KIF11: variants seen among roughly 807,000 people sequenced by gnomAD.
KIF11 encodes kinesin family member 11.
In KIF11, 9 loss-of-function variants were observed where a neutral mutation model predicts 121.0. The observed-to-expected ratio is 0.07, with a 90% CI of 0.04 to 0.13. KIF11 has a LOEUF of 0.13. Among genes scored for constraint, KIF11 ranks in the 10% least tolerant of loss-of-function variants. KIF11 has a pLI of 1.00. For missense variants in KIF11, 846 were observed against 1,217.5 expected, an observed-to-expected ratio of 0.69 and a Z score of 4.54; for synonymous variants, 408 against 421.0, an observed-to-expected ratio of 0.97 and a Z score of 0.38.
intron 6 of KIF11, among the ~76,000 whole-genome samples, chr10:92,611,504 G>T (rs758232198): frequency 2.0e-5 from 3 of 152,066 alleles, no homozygotes; most frequent in Non-Finnish European, 4.4e-5. Context: ...ACCATGCCCG[G>T]TGGAGATGAA....
At position 92,653,651 on chromosome 10, in the gene KIF11, C is replaced by T. The variant is rs147179090; in HGVS notation, c.3040-14C>T. On this transcript the variant is annotated splice_polypyrimidine_tract_variant and intron_variant, in intron 21 of 21. Coordinates refer to ENST00000260731, the MANE Select transcript of KIF11 (RefSeq NM_004523.4). ...ACTTTGTATTGACTTAATTTTCCCGCCTTAAATCCACAGCATAAAAAATCA... is the reference window on the plus strand; with the variant it reads ...ACTTTGTATTGACTTAATTTTCCCGTCTTAAATCCACAGCATAAAAAATCA... The T allele has an allele frequency of 6.2e-7, 1 of 1,605,864 alleles. No individual in the cohort carries two copies. The highest frequency in any genetic ancestry group is 1.3e-5 in the African/African-American group (1 of 74,414).
chr10:92,629,845 G>A (rs1217835090), intron 11 of KIF11, among the ~76,000 whole-genome samples: 1 of 152,024 alleles, frequency 6.6e-6, no homozygotes, highest in Non-Finnish European at 1.5e-5. Flanking sequence ...CTCAAACTAT[G>A]GGGCTCAAGT....
intron 8 of KIF11, among the ~76,000 whole-genome samples, chr10:92,614,084 G>T (rs1844527931): frequency 7.1e-6 from 1 of 140,244 alleles, no homozygotes; most frequent in African/African-American, 2.8e-5. Flanking sequence ...GGGAAAAAAA[G>T]TTCATTTAGT....
At chr10:92,621,815 C>T (rs565064995) in intron 10 of KIF11, among the ~76,000 whole-genome samples, 100 of 152,162 alleles carry the variant, frequency 6.6e-4, no homozygotes, top group African/African-American at 2.2e-3. Context: ...GCTGCCTAGG[C>T]TTCTATTTTG....
At position 92,650,634 on chromosome 10, in the gene KIF11, A is replaced by T. The variant is rs905570823; in HGVS notation, c.3039+117A>T. ...AAAAACCTTTCAATTATTCCTTAGG[A>T]TGGCTTGTTAACGCTTATGATTTGA... On this transcript the variant is annotated intron_variant, in intron 21 of 21. Coordinates refer to ENST00000260731, the MANE Select transcript of KIF11 (RefSeq NM_004523.4). The T allele has an allele frequency of 2.0e-5, 13 of 656,086 alleles. No individual in the cohort carries two copies. In the African/African-American group the frequency reaches 2.0e-4, roughly 10 times the overall value. 40.6% of individuals were successfully genotyped at this position (656,086 alleles called of 1,614,324 possible). A position where few individuals can be genotyped will look rare whatever the true frequency, so the allele number is the denominator to read the frequency against.
intron 6 of KIF11, among the ~76,000 whole-genome samples, chr10:92,610,339 C>T (rs1484063981): frequency 6.6e-6 from 1 of 152,104 alleles, no homozygotes; most frequent in Non-Finnish European, 1.5e-5. Flanking sequence ...TGATTTTTTT[C>T]GCTCTAAATA....
chr10:92,629,141 T>C (rs1338456704), intron 11 of KIF11, among the ~76,000 whole-genome samples: 9 of 151,766 alleles, frequency 5.9e-5, no homozygotes, highest in Admixed American at 5.3e-4. Flanking sequence ...CCACCATGCC[T>C]GGCTAATTTT....
intron 10 of KIF11, 28 bp from the exon 11 acceptor site, chr10:92,628,780 G>A (rs1564711714): frequency 8.0e-7 from 1 of 1,255,154 alleles, no homozygotes; most frequent in East Asian, 2.4e-5. Context: ...AATATTAACT[G>A]TTAAACTCAT....
intron 1 of KIF11, among the ~76,000 whole-genome samples, chr10:92,600,183 T>A (rs1303391227): frequency 2.0e-5 from 3 of 151,364 alleles, no homozygotes; most frequent in African/African-American, 7.3e-5. Flanking sequence ...TTTTGTATTT[T>A]TAGTAGAGAT....
intron 1 of KIF11, among the ~76,000 whole-genome samples, chr10:92,596,455 G>A (rs1399523962): frequency 3.3e-5 from 5 of 151,956 alleles, no homozygotes; most frequent in African/African-American, 1.2e-4. Flanking sequence ...ATTTTCCACA[G>A]TGGCTGGACC....
chr10:92,645,371 A>C lies in KIF11; in HGVS notation c.2276A>C (p.Lys759Thr), dbSNP rs756546639. ...ATTCTCTTTTCCTATAGGAAATCTA[A>C]GGATATAGTCAACAAAATGACTTTT... ...SVQENIQQKSKDIVNKMTFHS... is the reference protein window; with the variant it reads ...SVQENIQQKSTDIVNKMTFHS... The change falls in exon 18 of 22, where the codon AAG (lysine) becomes ACG (threonine). Residue 759 changes from lysine to threonine, a missense_variant. By Grantham distance (78) the Lys-to-Thr change is moderately conservative (BLOSUM62 -1). Around this residue, in one of 5 missense-constraint regions of KIF11, gnomAD observed 492 missense variants for 603.4 expected, o/e 0.82. Transcript: ENST00000260731. 2 of 1,603,218 alleles carry C rather than the reference A, an allele frequency of 1.2e-6. No individual in the cohort carries two copies. Among genetic ancestry groups the C allele is most frequent in the South Asian group, 2.2e-5 (2 of 89,944 alleles).
At chr10:92,646,683 T>C (rs990579309) in intron 18 of KIF11, among the ~76,000 whole-genome samples, 4 of 152,162 alleles carry the variant, frequency 2.6e-5, no homozygotes, top group African/African-American at 9.6e-5. Flanking sequence ...TCAAAAAGAA[T>C]AATGGCCATA....
intron 21 of KIF11, among the ~76,000 whole-genome samples, chr10:92,651,533 T>G (rs1395663922): frequency 3.8e-5 from 4 of 105,342 alleles, no homozygotes; most frequent in Non-Finnish European, 7.5e-5. Context: ...TTTTTTTTTT[T>G]TTTTTTTTTT....
At chr10:92,612,965 C>T in intron 6 of KIF11, 75 bp from the exon 7 acceptor site, 1 of 781,558 alleles carries the variant, frequency 1.3e-6, no homozygotes, top group Admixed American at 2.5e-5. Context: ...ATCTTCTTTC[C>T]TGTTTTCAGT....
At chr10:92,648,759 A>G (rs904541557) in intron 19 of KIF11, among the ~76,000 whole-genome samples, 2 of 152,226 alleles carry the variant, frequency 1.3e-5, no homozygotes, top group African/African-American at 4.8e-5. Flanking sequence ...GATGTAACTG[A>G]CTAAATCTAG....
intron 16 of KIF11, among the ~76,000 whole-genome samples, chr10:92,638,065 G>A (rs1844825756): frequency 6.6e-6 from 1 of 152,002 alleles, no homozygotes; most frequent in Non-Finnish European, 1.5e-5. Flanking sequence ...CATTATATGA[G>A]GCTTTAAACC....
rs766768483 is a variant in KIF11 at position 92,637,559 on chromosome 10, C to T, written c.2160+14C>T. 6.9e-6 allele frequency: 11 copies of T among 1,597,114 alleles called. No individual in the cohort carries two copies. The Admixed American group carries it at 7.5e-5, about 11-fold the overall frequency. ...ACCCATTCCCAGGTATGTTGTTTAG[C>T]GGACTTGGGGAGTACAGAAAGAGAG... On this transcript the variant is annotated intron_variant, in intron 16 of 21. Transcript: ENST00000260731.
At chr10:92,593,554 C>G in intron 1 of KIF11, 102 bp downstream of exon 1, 3 of 999,844 alleles carry the variant, frequency 3.0e-6, no homozygotes, top group Non-Finnish European at 2.9e-6. Flanking sequence ...TCCTGAGGGT[C>G]CCAGTTTCTT....
chr10:92,599,414 AC>A (rs1401840673), intron 1 of KIF11, among the ~76,000 whole-genome samples: 2 of 150,804 alleles, frequency 1.3e-5, no homozygotes, highest in Non-Finnish European at 3.0e-5. Flanking sequence ...AGTCCCAGCT[AC>A]TTAGGAGGCT....
Sources: allele counts gnomAD v4.1 joint callset (sites outside exome capture counted in the v4.1 genomes callset), GRCh38; gene constraint gnomAD v4.1.1; regional missense constraint gnomAD v4.1.1; transcripts MANE v1.5; gene names NCBI Gene and HGNC (gene_info 2026-07-23, HGNC 2026-07-21).